Variants in KCNMA1 observed in about 807,000 individuals in gnomAD.
The protein encoded by KCNMA1 is Calcium-activated potassium channel subunit alpha-1.
Under a neutral mutation model 140.0 loss-of-function variants are expected in KCNMA1, and 29 were observed. The observed-to-expected ratio is 0.21, with a 90% CI of 0.15 to 0.28. KCNMA1 has a LOEUF of 0.28. Among genes scored for constraint, KCNMA1 ranks in the 10% least tolerant of loss-of-function variants. The pLI, the probability that KCNMA1 is intolerant of heterozygous loss-of-function variation, is 1.00. For missense variants in KCNMA1, 880 were observed against 1,602.2 expected, an observed-to-expected ratio of 0.55 and a Z score of 7.70; for synonymous variants, 612 against 611.9, an observed-to-expected ratio of 1.00 and a Z score of 0.00.
intron 2 of KCNMA1, among the ~76,000 whole-genome samples, chr10:77,362,579 G>A (rs905885174): frequency 2.0e-5 from 3 of 151,982 alleles, no homozygotes; most frequent in Admixed American, 1.3e-4. Flanking sequence ...GTGCCCAGAG[G>A]ACAGCAGGCT....
At chr10:77,377,470 G>A (rs986348024) in intron 2 of KCNMA1, among the ~76,000 whole-genome samples, 10 of 152,134 alleles carry the variant, frequency 6.6e-5, no homozygotes, top group Admixed American at 3.9e-4. Context: ...GCAGGCAGGC[G>A]TCGACTAGAT....
intron 1 of KCNMA1, among the ~76,000 whole-genome samples, chr10:77,603,634 G>A (rs772273543): frequency 5.9e-5 from 9 of 152,130 alleles, no homozygotes; most frequent in Admixed American, 2.6e-4. Flanking sequence ...GGGGCCGTAA[G>A]TCAGGCGAGT....
intron 23 of KCNMA1, among the ~76,000 whole-genome samples, chr10:76,925,499 A>T (rs1244765263): frequency 6.6e-6 from 1 of 152,160 alleles, no homozygotes; most frequent in South Asian, 2.1e-4. Context: ...ATCCCCCCTC[A>T]TGCTGCCAAG....
At chr10:77,302,631 C>T (rs745522535) in intron 2 of KCNMA1, among the ~76,000 whole-genome samples, 2 of 152,152 alleles carry the variant, frequency 1.3e-5, no homozygotes, top group African/African-American at 2.4e-5. Context: ...ACTGATGAAA[C>T]AGCTGTCAGC....
chr10:77,522,230 A>T lies in KCNMA1; in HGVS notation c.378+115035T>A, dbSNP rs180879081. Among the ~76,000 whole-genome samples, 6 of 150,228 alleles carry T rather than the reference A, an allele frequency of 4.0e-5. No individual in the cohort carries two copies. In the East Asian group the frequency reaches 1.2e-3, roughly 30 times the overall value. On this transcript the variant is annotated intron_variant, in intron 1 of 27. Transcript: ENST00000286628. The stretch of plus-strand genomic sequence containing the variant: ...ATAAGACTCAGGGGACTTCCTGCAC[A>T]TTCCCATGAGCCATGAGCCATCTCC...
At chr10:77,412,913 A>C (rs963827187) in intron 1 of KCNMA1, among the ~76,000 whole-genome samples, 1 of 152,084 alleles carries the variant, frequency 6.6e-6, no homozygotes, top group Non-Finnish European at 1.5e-5. Flanking sequence ...GCTGGAGTAC[A>C]GTGGCGTGAT....
chr10:76,915,399 T>C lies in KCNMA1; in HGVS notation c.2903-350A>G, dbSNP rs142738459. 9.3e-4 allele frequency among the ~76,000 whole-genome samples: 142 copies of C among 152,266 alleles called. 1 individual carries two copies. In the East Asian group the frequency reaches 0.024, roughly 26 times the overall value. On this transcript the variant is annotated intron_variant, in intron 23 of 27. Transcript: ENST00000286628. Reference sequence around the variant, plus strand: ...TATGGCCATGTGACACATGAAATGCTCTGGCCCATGAAAAGTGAGCAGAGC... The same window carrying C: ...TATGGCCATGTGACACATGAAATGCCCTGGCCCATGAAAAGTGAGCAGAGC...
chr10:77,197,933 C>T (rs2041126833), intron 3 of KCNMA1, among the ~76,000 whole-genome samples: 2 of 152,108 alleles, frequency 1.3e-5, no homozygotes, highest in African/African-American at 4.8e-5. Context: ...GCTGGCATTA[C>T]ACGCGAGAAG....
intron 1 of KCNMA1, among the ~76,000 whole-genome samples, chr10:77,523,957 GT>G (rs1308765521): frequency 1.3e-5 from 2 of 152,154 alleles, no homozygotes; most frequent in African/African-American, 4.8e-5. Flanking sequence ...TAACTGGATT[GT>G]TTGTAACTCA....
chr10:76,960,646 T>TTTTTA (rs1565205821), intron 20 of KCNMA1, among the ~76,000 whole-genome samples: 2 of 140,082 alleles, frequency 1.4e-5, no homozygotes, highest in Non-Finnish European at 3.1e-5. Flanking sequence ...TTTTTTTTTT[T>TTTTTA]ACAAATTGAA....
At chr10:77,508,087 T>C (rs114048825) in intron 1 of KCNMA1, among the ~76,000 whole-genome samples, 191 of 152,384 alleles carry the variant, frequency 1.3e-3, no homozygotes, top group African/African-American at 4.4e-3. Flanking sequence ...GATATTTATG[T>C]ATGCATCTAA....
intron 13 of KCNMA1, among the ~76,000 whole-genome samples, chr10:77,079,138 C>T (rs949300229): frequency 7.2e-5 from 11 of 152,198 alleles, no homozygotes; most frequent in African/African-American, 1.2e-4. Flanking sequence ...GGCATGGTGG[C>T]GCATGCCTGT....
chr10:77,447,786 T>C (rs1235610541), intron 1 of KCNMA1, among the ~76,000 whole-genome samples: 1 of 152,238 alleles, frequency 6.6e-6, no homozygotes, highest in Non-Finnish European at 1.5e-5. Flanking sequence ...TCAGCTTTAG[T>C]GACACCTTCT....
chr10:77,082,007 CTTTTTTTTTTTT>C (rs201288668), intron 12 of KCNMA1, among the ~76,000 whole-genome samples: 3 of 32,500 alleles, frequency 9.2e-5, no homozygotes, highest in African/African-American at 1.8e-4. Context: ...TTTTTCTTTT[CTTTTTTTTTTTT>C]TTTTTTTTTT....
intron 1 of KCNMA1, among the ~76,000 whole-genome samples, chr10:77,527,989 G>A (rs1310208671): frequency 6.6e-6 from 1 of 152,124 alleles, no homozygotes; most frequent in Non-Finnish European, 1.5e-5. Context: ...AGCCTGTCTG[G>A]GTTCAATTCC....
intron 20 of KCNMA1, among the ~76,000 whole-genome samples, chr10:76,964,046 G>T (rs1341662313): frequency 6.6e-6 from 1 of 151,632 alleles, no homozygotes; most frequent in Non-Finnish European, 1.5e-5. Context: ...TACTTCCTGA[G>T]GCTTTGCAGA....
chr10:77,135,365 A>G (rs1009757179), intron 5 of KCNMA1, among the ~76,000 whole-genome samples: 9 of 152,196 alleles, frequency 5.9e-5, no homozygotes, highest in African/African-American at 1.9e-4. Flanking sequence ...GGATGTGGGA[A>G]AAAGGAACCC....
chr10:77,532,903 G>A (rs1345455181), intron 1 of KCNMA1, among the ~76,000 whole-genome samples: 2 of 151,990 alleles, frequency 1.3e-5, no homozygotes, highest in African/African-American at 2.4e-5. Flanking sequence ...ATACTGACAG[G>A]GTCCCCAAAA....
intron 19 of KCNMA1, among the ~76,000 whole-genome samples, chr10:76,992,078 T>C (rs771686775): frequency 6.6e-6 from 1 of 152,188 alleles, no homozygotes; most frequent in Admixed American, 6.5e-5. Flanking sequence ...TCTAGGAACA[T>C]TTGGTGGGAC....
Sources: gnomAD v4.1 joint callset for allele counts (sites outside exome capture counted in the v4.1 genomes callset) on GRCh38, gnomAD v4.1.1 for gene constraint, MANE v1.5 for transcripts, NCBI Gene and HGNC (gene_info 2026-07-23, HGNC 2026-07-21) for gene names.